Variants in ARVCF observed in about 807,000 individuals in gnomAD.
ARVCF encodes ARVCF delta catenin family member.
A neutral mutation model predicts 90.9 loss-of-function variants in ARVCF; 66 were observed. The ratio of observed to expected loss-of-function variants is 0.73; its 90% CI spans 0.60 to 0.89. The LOEUF (loss-of-function observed/expected upper bound fraction) is 0.89. Ranked by LOEUF, ARVCF falls within the 40% of genes least tolerant of loss-of-function variation. The pLI is 0.00. For synonymous variants in ARVCF, 653 were observed against 603.4 expected (o/e 1.08, Z -1.21); for missense variants, 1,469 against 1,382.3 (o/e 1.06, Z -1.00).
rs761328671 is a variant in ARVCF at position 19,973,035 on chromosome 22, G to A, written c.2440C>T (p.Gln814Ter). 6.2e-7 allele frequency: 1 copy of A among 1,612,892 alleles called. No individual in the cohort carries two copies. Among genetic ancestry groups the A allele is most frequent in the Non-Finnish European group, 8.5e-7 (1 of 1,179,922 alleles). ...PALVALVASSQSVREAKAASH... is the reference protein window; with the variant it reads ...PALVALVASS ...GCCGCCTTCGCTTCGCGTACCGATT[G>A]GCTGTGGGGCCGGGGGCGGGGTCAG... is the stretch of plus-strand genomic sequence containing the variant. The change falls in exon 15 of 20, where the codon CAA becomes TAA. Residue 814 changes from glutamine (Q) to a stop codon, truncating the protein, a stop_gained and splice_region_variant. Transcript: ENST00000263207. LOFTEE classifies it high-confidence loss of function.
At chr22:19,967,524 G>A (rs764006037), downstream of ARVCF, 14 of 389,686 alleles carry the variant, frequency 3.6e-5, no homozygotes, top group African/African-American at 6.3e-5. Flanking sequence ...TCACATGAAA[G>A]CCCCCTGCTT....
rs202208069 is a variant in ARVCF at position 19,973,694 on chromosome 22, C to T, written c.2188G>A (p.Ala730Thr). The T allele has an allele frequency of 2.2e-5, 35 of 1,610,080 alleles. No individual in the cohort carries two copies. Among genetic ancestry groups the T allele is most frequent in the Admixed American group, 3.3e-5 (2 of 59,990 alleles). Residue 730 changes from alanine (A) to threonine (T), a missense_variant, in exon 13 of 20, where the codon GCC becomes ACC. By Grantham distance (58) the Ala-to-Thr change is moderately conservative (BLOSUM62 0). Coordinates refer to ENST00000263207, the MANE Select transcript of ARVCF (RefSeq NM_001670.3). ...SETDKVVRAV[A>T]IALRNLSLDR... is the part of the protein sequence containing the mutation. ...AGCGAGAGGTTGCGCAGAGCGATGG[C>T]GACGGCGCGCACCACCTTGTCGGTC...
intron 7 of ARVCF, among the ~76,000 whole-genome samples, 198 bp from the exon 8 acceptor site, chr22:19,978,273 T>C (rs575316226): frequency 1.3e-5 from 2 of 152,308 alleles, no homozygotes; most frequent in East Asian, 3.9e-4. Context: ...AGGGGAGCCC[T>C]GGCAGACAAC....
chr22:19,993,663 C>T (rs1944113743), intron 2 of ARVCF, among the ~76,000 whole-genome samples: 2 of 152,204 alleles, frequency 1.3e-5, no homozygotes, highest in South Asian at 4.1e-4. Context: ...TCTGAGGAGG[C>T]CACTTCTTGC....
At chr22:19,979,154 G>C in intron 6 of ARVCF, 74 bp from the exon 7 acceptor site, 1 of 1,496,504 alleles carries the variant, frequency 6.7e-7, no homozygotes, top group South Asian at 1.3e-5. Context: ...GCCACGCTCA[G>C]GACCTGTCCC....
intron 1 of ARVCF, among the ~76,000 whole-genome samples, chr22:20,012,704 G>A (rs1192190474): frequency 6.6e-6 from 1 of 152,262 alleles, no homozygotes; most frequent in Non-Finnish European, 1.5e-5. Context: ...GGCTGGCCAT[G>A]GGGCTCTGTC....
Position 19,977,541 on chromosome 22 carries a change from C to T in ARVCF, c.1744G>A (p.Val582Met), listed in dbSNP as rs753137512. Residue 582 changes from valine (V) to methionine (M), a missense_variant, in exon 9 of 20, where the codon GTG becomes ATG. Coordinates refer to ENST00000263207, the MANE Select transcript of ARVCF (RefSeq NM_001670.3). ...VCIMRNLSYH[V>M]HKEVPGADRY... ...TCGGCCCCGGGCACCTCCTTGTGCA[C>T]GTGGTAGGACAGGTTCCGCATGATG... is the stretch of plus-strand genomic sequence containing the variant. 5 of 1,588,418 alleles carry T rather than the reference C, an allele frequency of 3.1e-6. No homozygotes were observed. Among genetic ancestry groups the T allele is most frequent in the South Asian group, 1.1e-5 (1 of 88,768 alleles).
intron 2 of ARVCF, among the ~76,000 whole-genome samples, chr22:20,000,242 G>A (rs1359416284): frequency 6.6e-6 from 1 of 152,216 alleles, no homozygotes; most frequent in African/African-American, 2.4e-5. Flanking sequence ...TCTGGCCAGA[G>A]CTGGCTGCTC....
At chr22:19,967,147 CTGTT>C (rs1942445147), downstream of ARVCF, 1 of 1,299,654 alleles carries the variant, frequency 7.7e-7, no homozygotes, top group Non-Finnish European at 1.0e-6. Flanking sequence ...TCCTTCTTTC[CTGTT>C]TAACTCGTGC....
Position 19,970,509 on chromosome 22 carries a change from C to T in ARVCF, c.*247G>A. 9.3e-7 allele frequency: 1 copy of T among 1,079,504 alleles called. No homozygotes were observed. The highest frequency in any genetic ancestry group is 1.1e-6 in the Non-Finnish European group (1 of 882,354). The allele number at this position is 1,079,504 out of a possible 1,614,324, so 66.9% of individuals were successfully genotyped here. A position where few individuals can be genotyped will look rare whatever the true frequency, so the allele number is the denominator to read the frequency against. On this transcript the variant is annotated 3_prime_UTR_variant, in exon 20 of 20. Coordinates refer to ENST00000263207, the MANE Select transcript of ARVCF (RefSeq NM_001670.3). ...CAGTCGGCCTCCTCGGGCCTTCTGT[C>T]ACTCGCTCACACACAGCACCATGTC...
chr22:19,985,927 A>G (rs1479496276), intron 3 of ARVCF, among the ~76,000 whole-genome samples: 4 of 152,228 alleles, frequency 2.6e-5, no homozygotes, highest in Non-Finnish European at 5.9e-5. Flanking sequence ...CCTCCCAGGT[A>G]GAGTCCAGGA....
downstream of ARVCF, among the ~76,000 whole-genome samples, chr22:19,966,089 A>G (rs1264870564): frequency 6.6e-6 from 1 of 152,242 alleles, no homozygotes; most frequent in Non-Finnish European, 1.5e-5. Context: ...GGAAACTAAT[A>G]GTTTTCTCAG....
intron 1 of ARVCF, among the ~76,000 whole-genome samples, chr22:20,013,612 A>G (rs1428451032): frequency 1.3e-5 from 2 of 152,200 alleles, no homozygotes; most frequent in African/African-American, 4.8e-5. Context: ...GGCCATGCTC[A>G]GCTCCCCGTT....
chr22:19,994,469 T>G (rs1235674343), intron 2 of ARVCF, among the ~76,000 whole-genome samples: 1 of 29,616 alleles, frequency 3.4e-5, no homozygotes, highest in Non-Finnish European at 6.2e-5. Context: ...GATGGATGGG[T>G]GGGTGGGGGG....
At chr22:20,014,393 C>T (rs1263777755) in intron 1 of ARVCF, among the ~76,000 whole-genome samples, 1 of 152,154 alleles carries the variant, frequency 6.6e-6, no homozygotes, top group Non-Finnish European at 1.5e-5. Flanking sequence ...CAGGGTTTCA[C>T]CATGTTGGCC....
At chr22:19,978,748 C>T in intron 7 of ARVCF, 149 bp downstream of exon 7, 1 of 994,118 alleles carries the variant, frequency 1.0e-6, no homozygotes, top group South Asian at 1.7e-5. Flanking sequence ...TCCATCAGGC[C>T]CCACTTCTCA....
At chr22:19,997,777 A>ATGAAGTT (rs1277780898) in intron 2 of ARVCF, among the ~76,000 whole-genome samples, 2 of 152,184 alleles carry the variant, frequency 1.3e-5, no homozygotes, top group Non-Finnish European at 2.9e-5. Flanking sequence ...AATGATGAGC[A>ATGAAGTT]TGAAGTTTGT....
chr22:19,973,054 G>T lies in ARVCF; in HGVS notation c.2439-18C>A. The T allele has an allele frequency of 6.2e-7, 1 of 1,611,644 alleles. No individual in the cohort carries two copies. Among genetic ancestry groups the T allele is most frequent in the Non-Finnish European group, 8.5e-7 (1 of 1,179,624 alleles). On this transcript the variant is annotated intron_variant, in intron 14 of 19. Coordinates refer to ENST00000263207, the MANE Select transcript of ARVCF (RefSeq NM_001670.3). ...CCGATTGGCTGTGGGGCCGGGGGCGGGGTCAGTGGTGGCCCCTCCCCCACC... is the reference window on the plus strand; with the variant it reads ...CCGATTGGCTGTGGGGCCGGGGGCGTGGTCAGTGGTGGCCCCTCCCCCACC...
intron 2 of ARVCF, among the ~76,000 whole-genome samples, chr22:20,009,180 G>T (rs542842930): frequency 1.3e-5 from 2 of 152,358 alleles, no homozygotes; most frequent in African/African-American, 4.8e-5. Context: ...CAAGTACCCT[G>T]CCTGAGCTTC....
Sources: gnomAD v4.1 joint callset for allele counts (sites outside exome capture counted in the v4.1 genomes callset) on GRCh38, gnomAD v4.1.1 for gene constraint, MANE v1.5 for transcripts, NCBI Gene and HGNC (gene_info 2026-07-23, HGNC 2026-07-21) for gene names.